Variants in PHF21A observed in about 807,000 individuals in gnomAD.
The protein encoded by PHF21A is PHD finger protein 21A.
In PHF21A, 11 loss-of-function variants were observed where a neutral mutation model predicts 82.5. That is an observed-to-expected ratio of 0.13 (90% CI 0.08 to 0.22). The LOEUF is 0.22. Ranked by LOEUF, PHF21A falls within the 10% of genes least tolerant of loss-of-function variation. The pLI is 1.00. For synonymous variants in PHF21A, 297 were observed against 302.8 expected, an observed-to-expected ratio of 0.98 and a Z score of 0.20; for missense variants, 579 against 837.8, an observed-to-expected ratio of 0.69 and a Z score of 3.81.
chr11:45,962,712 T>G (rs1243822646), intron 10 of PHF21A, among the ~76,000 whole-genome samples: 1 of 121,236 alleles, frequency 8.2e-6, no homozygotes, highest in African/African-American at 3.0e-5. Context: ...GCCAACATGG[T>G]GAAACCCCAT....
chr11:45,960,954 C>T (rs1366628285), intron 10 of PHF21A, among the ~76,000 whole-genome samples: 3 of 152,180 alleles, frequency 2.0e-5, no homozygotes, highest in Non-Finnish European at 4.4e-5. Flanking sequence ...GAAGCAGCTG[C>T]TTCCTTGAGA....
At chr11:46,095,136 A>C (rs2096977800) in intron 1 of PHF21A, among the ~76,000 whole-genome samples, 1 of 152,216 alleles carries the variant, frequency 6.6e-6, no homozygotes, top group East Asian at 1.9e-4. Flanking sequence ...CAGAAATCCC[A>C]AAGTGTTTCT....
chr11:46,086,010 A>G (rs2096852323), intron 3 of PHF21A, among the ~76,000 whole-genome samples: 1 of 152,198 alleles, frequency 6.6e-6, no homozygotes, highest in Non-Finnish European at 1.5e-5. Context: ...TTTACTGTAT[A>G]ATGATAATGT....
Position 45,965,349 on chromosome 11 carries a change from G to C in PHF21A, c.962C>G (p.Thr321Ser). 1 of 1,613,886 alleles carries C rather than the reference G, an allele frequency of 6.2e-7. No individual in the cohort carries two copies. Reference sequence around the variant, plus strand: ...AAGACTTGGCTTGCTAAGCTGTACAGTTTGAGGTCCAGCGAGTCTGGTCCC... The same window carrying C: ...AAGACTTGGCTTGCTAAGCTGTACACTTTGAGGTCCAGCGAGTCTGGTCCC... ...TPGTRLAGPQ[T>S]VQLSKPSLEK... Residue 321 changes from threonine (T) to serine (S), a missense_variant, in exon 10 of 19, where the codon ACT (threonine) becomes AGT (serine). Thr to Ser is a moderately conservative substitution (Grantham distance 58). This residue lies in a region of PHF21A where 410 missense variants were observed against 642.1 expected (regional missense o/e 0.64). Transcript: ENST00000676320.
intron 9 of PHF21A, 63 bp downstream of exon 9, chr11:45,969,748 TAGAA>T (rs1324451762): frequency 2.8e-6 from 3 of 1,085,454 alleles, no homozygotes; most frequent in African/African-American, 3.1e-5. Context: ...ACAGGCTACT[TAGAA>T]AGAGCCCATG....
chr11:46,013,843 A>G (rs1172862713), intron 6 of PHF21A, among the ~76,000 whole-genome samples: 4 of 152,186 alleles, frequency 2.6e-5, no homozygotes, highest in Admixed American at 1.3e-4. Context: ...ACTACGAAAG[A>G]TGAAAAACGG....
At chr11:45,989,490 T>TAG (rs2094604011) in intron 6 of PHF21A, among the ~76,000 whole-genome samples, 1 of 100,934 alleles carries the variant, frequency 9.9e-6, no homozygotes, top group Non-Finnish European at 1.9e-5. Context: ...CCATCTCTAC[T>TAG]AAAAAAAAAA....
At position 45,945,916 on chromosome 11, in the gene PHF21A, T is replaced by G. The variant is rs867437668; in HGVS notation, c.1376A>C (p.Asn459Thr). The change falls in exon 15 of 19, where the codon AAT becomes ACT. Residue 459 changes from asparagine (N) to threonine (T), a missense_variant. By Grantham distance (65) the Asn-to-Thr change is moderately conservative. Transcript: ENST00000676320. ...AGTGAATGTGGTCTCTGTCTTTTCA[T>G]TTTCAGGGGAGTCAGGATGACTGGA... ...PQSSHPDSPE[N>T]EKTETTFTFP... The G allele has an allele frequency of 1.9e-6, 3 of 1,612,536 alleles. No individual in the cohort carries two copies. The African/African-American group carries it at 4.0e-5, about 22-fold the overall frequency.
At chr11:46,106,224 T>C (rs958148258) in intron 1 of PHF21A, among the ~76,000 whole-genome samples, 40 of 152,226 alleles carry the variant, frequency 2.6e-4, no homozygotes, top group African/African-American at 9.2e-4. Flanking sequence ...TGCTTTTTAT[T>C]TGAACTCCTG....
At chr11:46,010,262 G>A (rs2095385033) in intron 6 of PHF21A, among the ~76,000 whole-genome samples, 1 of 152,212 alleles carries the variant, frequency 6.6e-6, no homozygotes. Flanking sequence ...ACCAGGAACA[G>A]TCCAAAATAC....
chr11:45,956,547 T>C (rs1486918108), intron 10 of PHF21A, among the ~76,000 whole-genome samples: 2 of 152,202 alleles, frequency 1.3e-5, no homozygotes, highest in East Asian at 3.9e-4. Flanking sequence ...GACGCTGAGA[T>C]TGGGGCTTCA....
chr11:46,009,702 C>A lies in PHF21A; in HGVS notation c.154-29736G>T, dbSNP rs1384387490. On this transcript the variant is annotated intron_variant, in intron 6 of 18. Coordinates refer to ENST00000676320, the MANE Select transcript of PHF21A (RefSeq NM_001352027.3). ...AAATAGCAGAGCCAGAGCAGACTTC[C>A]AACTTGGGCAGTTTGGCTACAGAGC... Among the ~76,000 whole-genome samples, 3 of 152,192 alleles carry A rather than the reference C, an allele frequency of 2.0e-5. No individual in the cohort carries two copies. The East Asian group carries it at 5.8e-4, about 29-fold the overall frequency.
At chr11:46,091,315 A>G (rs1277702636) in intron 2 of PHF21A, among the ~76,000 whole-genome samples, 1 of 152,158 alleles carries the variant, frequency 6.6e-6, no homozygotes, top group Non-Finnish European at 1.5e-5. Context: ...AATTTTTTTC[A>G]TAATACACAC....
chr11:45,934,270 T>C (rs184149212), intron 18 of PHF21A, 45 bp from the exon 19 acceptor site: 2 of 1,581,206 alleles, frequency 1.3e-6, no homozygotes, highest in East Asian at 4.5e-5. Context: ...GCCTGGTTTC[T>C]AACAGGCCTG....
chr11:46,065,994 AG>A (rs1387233392), intron 6 of PHF21A, among the ~76,000 whole-genome samples: 2 of 152,212 alleles, frequency 1.3e-5, no homozygotes, highest in Non-Finnish European at 2.9e-5. Context: ...TTTTTTCTTT[AG>A]TGATTTAAAA....
Position 46,018,184 on chromosome 11 carries a change from A to G in PHF21A, c.154-38218T>C, listed in dbSNP as rs963189950. Among the ~76,000 whole-genome samples, 4 of 148,954 alleles carry G rather than the reference A, an allele frequency of 2.7e-5. No individual in the cohort carries two copies. The Admixed American group carries it at 2.7e-4, about 10-fold the overall frequency. ...AGAATGGCGTGAACCCGGGAGGCGG[A>G]GCTTGCAGTGAGCTGAGATTGCGCC... On this transcript the variant is annotated intron_variant, in intron 6 of 18. Transcript: ENST00000676320.
intron 6 of PHF21A, among the ~76,000 whole-genome samples, chr11:46,037,981 C>T (rs1239664060): frequency 6.6e-6 from 1 of 151,996 alleles, no homozygotes; most frequent in Non-Finnish European, 1.5e-5. Flanking sequence ...ATTTTCTCTA[C>T]CAAATTTCCA....
chr11:45,987,898 T>C (rs1052292702), intron 6 of PHF21A, among the ~76,000 whole-genome samples: 8 of 152,162 alleles, frequency 5.3e-5, no homozygotes, highest in Non-Finnish European at 1.2e-4. Flanking sequence ...CAGAATTGTC[T>C]TGGACACTAC....
At position 46,030,627 on chromosome 11, in the gene PHF21A, A is replaced by C. The variant is rs540221345; in HGVS notation, c.153+46127T>G. On this transcript the variant is annotated intron_variant, in intron 6 of 18. Transcript: ENST00000676320. ...ACACAAAATTCAAAAAGATTCTTTA[A>C]TCCTAAAACACATATTTGTATCTTT... Among the ~76,000 whole-genome samples, 3 of 152,364 alleles carry C rather than the reference A, an allele frequency of 2.0e-5. No homozygotes were observed. The South Asian group carries it at 6.2e-4, about 32-fold the overall frequency.
Sources: allele counts gnomAD v4.1 joint callset (sites outside exome capture counted in the v4.1 genomes callset), GRCh38; gene constraint gnomAD v4.1.1; regional missense constraint gnomAD v4.1.1; transcripts MANE v1.5; gene names NCBI Gene and HGNC (gene_info 2026-07-23, HGNC 2026-07-21).